ETFBKMT: variants seen among roughly 807,000 people sequenced by gnomAD.
ETFBKMT encodes electron transfer flavoprotein subunit beta lysine methyltransferase, also known as electron transfer flavoprotein beta subunit lysine methyltransferase.
A neutral mutation model predicts 18.3 loss-of-function variants in ETFBKMT; 13 were observed. The observed-to-expected ratio is 0.71, with a 90% confidence interval of 0.46 to 1.13. The LOEUF (loss-of-function observed/expected upper bound fraction) is 1.13, where lower values mean the gene tolerates loss of function less well. Ranked by LOEUF, ETFBKMT falls within the 50% of genes most tolerant of loss-of-function variation. The pLI is 0.00. For synonymous variants in ETFBKMT, 84 were observed against 107.9 expected (o/e 0.78, Z 1.37); for missense variants, 293 against 306.2 (o/e 0.96, Z 0.32).
chr12:31,667,265 G>A (rs1380711909), intron 3 of ETFBKMT, among the ~76,000 whole-genome samples: 1 of 152,236 alleles, frequency 6.6e-6, no homozygotes, highest in African/African-American at 2.4e-5. Flanking sequence ...AAAGTACTGG[G>A]ATTATAGGCG....
At chr12:31,656,659 C>CCAA (rs1951064785), upstream of ETFBKMT, among the ~76,000 whole-genome samples, 1 of 152,194 alleles carries the variant, frequency 6.6e-6, no homozygotes, top group Non-Finnish European at 1.5e-5. Flanking sequence ...GCTAATAGCT[C>CCAA]ATCCTTAATC....
chr12:31,657,575 C>T (rs879411505), upstream of ETFBKMT, among the ~76,000 whole-genome samples: 3 of 151,936 alleles, frequency 2.0e-5, no homozygotes, highest in African/African-American at 7.3e-5. Context: ...GGGCGGATCA[C>T]GAGGTCAAAA....
chr12:31,648,557 C>CTTTTTTTT (rs764501978), intron 1 of ETFBKMT, among the ~76,000 whole-genome samples: 2 of 82,980 alleles, frequency 2.4e-5, no homozygotes, highest in Non-Finnish European at 4.2e-5. Flanking sequence ...AGATGGGTTT[C>CTTTTTTTT]TTTTTTTTTT....
intron 1 of ETFBKMT, among the ~76,000 whole-genome samples, chr12:31,649,906 A>G (rs113089540): frequency 6.8e-6 from 1 of 147,738 alleles, no homozygotes; most frequent in Non-Finnish European, 1.5e-5. Context: ...ACAGGCACGT[A>G]CCACCACACC....
intron 1 of ETFBKMT, among the ~76,000 whole-genome samples, chr12:31,651,886 A>G (rs1951021191): frequency 6.6e-6 from 1 of 152,220 alleles, no homozygotes. Flanking sequence ...TGTAAAGCCG[A>G]GCTGCAGACA....
At chr12:31,659,299 T>C (rs1164008439), upstream of ETFBKMT, 1 of 152,208 alleles carries the variant, frequency 6.6e-6, no homozygotes, top group Non-Finnish European at 1.5e-5. Context: ...GCGGGAACAG[T>C]CGCCAGGGCG....
At chr12:31,651,910 T>C (rs1201542249) in intron 1 of ETFBKMT, among the ~76,000 whole-genome samples, 1 of 152,190 alleles carries the variant, frequency 6.6e-6, no homozygotes, top group Non-Finnish European at 1.5e-5. Context: ...ACAAGCAAGC[T>C]GGGAGCTTGC....
Position 31,665,752 on chromosome 12 carries a change from G to GAAGGGATGGGCTGAAATA in ETFBKMT, c.315-324_315-307dup, listed in dbSNP as rs376386781. On this transcript the variant is annotated intron_variant, in intron 2 of 3. Coordinates refer to ENST00000357721, the MANE Select transcript of ETFBKMT (RefSeq NM_001135863.2). The stretch of plus-strand genomic sequence containing the variant: ...ACTAAAAGTATCCCTTATGGGAAAT[G>GAAGGGATGGGCTGAAATA]AAGGGATGGGCTGAAATAAAGGGAT... 9.6e-3 allele frequency among the ~76,000 whole-genome samples: 1,458 copies of GAAGGGATGGGCTGAAATA among 152,346 alleles called. 18 individuals are homozygous for GAAGGGATGGGCTGAAATA. Among genetic ancestry groups the GAAGGGATGGGCTGAAATA allele is most frequent in the African/African-American group, 0.033 (1,380 of 41,568 alleles).
intron 1 of ETFBKMT, among the ~76,000 whole-genome samples, chr12:31,653,877 G>A (rs1951037704): frequency 6.6e-6 from 1 of 152,092 alleles, no homozygotes; most frequent in Non-Finnish European, 1.5e-5. Flanking sequence ...GAACCTGGGA[G>A]GCAGAGGTTG....
rs542514459 is a variant in ETFBKMT at position 31,648,782 on chromosome 12, C to T, written c.-114+1527C>T. 6.2e-4 allele frequency among the ~76,000 whole-genome samples: 94 copies of T among 151,860 alleles called. 1 individual carries two copies. The highest frequency in any genetic ancestry group is 2.2e-3 in the African/African-American group (90 of 41,410). On this transcript the variant is annotated intron_variant, in intron 1 of 3. Transcript: ENST00000412352. ...TTCACCATGTTAGCCAGGATGGTCT[C>T]GATCTCCTGACCTTGTGATCTGCCC...
At chr12:31,663,304 G>A (rs1172029814) in intron 2 of ETFBKMT, among the ~76,000 whole-genome samples, 2 of 152,072 alleles carry the variant, frequency 1.3e-5, no homozygotes, top group Non-Finnish European at 2.9e-5. Context: ...TGTTGATCAG[G>A]CTGGTCTCGA....
Position 31,662,206 on chromosome 12 carries a change from C to G in ETFBKMT, c.253C>G (p.Leu85Val). The change falls in exon 2 of 4, where the codon CTG (leucine) becomes GTG (valine). Residue 85 changes from leucine to valine, a missense_variant. Leu to Val is a conservative substitution (Grantham distance 32, BLOSUM62 1). Transcript: ENST00000357721. ...CAAATTCTGGTGGGAGAGAGCTGAC[C>G]TGTGGCCCCACAGTGATCCTTACTG... ...RCKFWWERAD[L>V]WPHSDPYWAI... 6.2e-7 allele frequency: 1 copy of G among 1,614,204 alleles called. No individual in the cohort carries two copies. Among genetic ancestry groups the G allele is most frequent in the Non-Finnish European group, 8.5e-7 (1 of 1,180,040 alleles).
At chr12:31,660,665 A>T (rs915735544) in intron 1 of ETFBKMT, 1 of 152,214 alleles carries the variant, frequency 6.6e-6, no homozygotes, top group Non-Finnish European at 1.5e-5. Context: ...ATGTTCTTTT[A>T]TTACAATTAA....
chr12:31,651,458 TAGC>T (rs1405858249), intron 1 of ETFBKMT, among the ~76,000 whole-genome samples: 1 of 151,944 alleles, frequency 6.6e-6, no homozygotes, highest in Non-Finnish European at 1.5e-5. Flanking sequence ...GCCTCCCGAA[TAGC>T]AGGGATTACA....
rs557599345 is a variant in ETFBKMT, at chr12:31,672,457, G to A, written c.*4467G>A. The A allele has an allele frequency of 6.9e-5, 67 of 977,076 alleles. No individual in the cohort carries two copies. Among genetic ancestry groups the A allele is most frequent in the Middle Eastern group, 5.2e-4 (2 of 3,842 alleles). 60.5% of individuals were successfully genotyped at this position (977,076 alleles called of 1,614,324 possible). ...TTCCTCATGTCTAACTGGAGGTGAT[G>A]TTAATTATTATACAGTTATTTAAAG... On this transcript the variant is annotated 3_prime_UTR_variant, in exon 4 of 4. Transcript: ENST00000357721.
At chr12:31,667,065 G>T (rs1177317179) in intron 3 of ETFBKMT, among the ~76,000 whole-genome samples, 3 of 151,288 alleles carry the variant, frequency 2.0e-5, no homozygotes, top group Non-Finnish European at 1.5e-5. Flanking sequence ...CACGGTCTTG[G>T]CTCACTGCAA....
At chr12:31,647,945 G>A (rs1019095640) in intron 1 of ETFBKMT, among the ~76,000 whole-genome samples, 1 of 152,200 alleles carries the variant, frequency 6.6e-6, no homozygotes, top group East Asian at 1.9e-4. Flanking sequence ...AGTCACTTTG[G>A]AAGACAGTCT....
At chr12:31,665,920 C>A (rs996647579) in intron 2 of ETFBKMT, among the ~76,000 whole-genome samples, 167 bp from the exon 3 acceptor site, 1 of 152,244 alleles carries the variant, frequency 6.6e-6, no homozygotes, top group African/African-American at 2.4e-5. Flanking sequence ...GGTAAACCCA[C>A]AGCCTTCCAG....
At chr12:31,651,583 C>T (rs1951018614) in intron 1 of ETFBKMT, among the ~76,000 whole-genome samples, 2 of 152,142 alleles carry the variant, frequency 1.3e-5, no homozygotes, top group Non-Finnish European at 1.5e-5. Flanking sequence ...CTAGCCGCCT[C>T]CGCCTCCCAA....
Sources: gnomAD v4.1 joint callset for allele counts (sites outside exome capture counted in the v4.1 genomes callset) on GRCh38, gnomAD v4.1.1 for gene constraint, MANE v1.5 for transcripts, NCBI Gene and HGNC (gene_info 2026-07-23, HGNC 2026-07-21) for gene names.